SLC16A4: variants seen among roughly 807,000 people sequenced by gnomAD.
The protein encoded by SLC16A4 is probable monocarboxylate transporter 5.
A neutral mutation model predicts 47.9 loss-of-function variants in SLC16A4; 39 were observed. The observed-to-expected ratio is 0.81, with a 90% confidence interval of 0.63 to 1.06. SLC16A4 has a LOEUF of 1.06. Among genes scored for constraint, SLC16A4 ranks in the 50% least tolerant of loss-of-function variants. The pLI is 0.00. For missense variants in SLC16A4, 524 were observed against 573.8 expected, an observed-to-expected ratio of 0.91 and a Z score of 0.89; for synonymous variants, 189 against 199.9, an observed-to-expected ratio of 0.95 and a Z score of 0.46.
At chr1:110,365,346 A>G (rs1661324776) in intron 8 of SLC16A4, among the ~76,000 whole-genome samples, 1 of 151,588 alleles carries the variant, frequency 6.6e-6, no homozygotes, top group Non-Finnish European at 1.5e-5. Context: ...TTGTTCTGTT[A>G]TGGACACAGA....
rs184637105 is a variant in SLC16A4 at position 110,366,189 on chromosome 1, C to T, written c.1337-2296G>A. ...TTTTTTGTTTTTTGAGACAGAGCCT[C>T]GCTCTGTTGCCCAGGCTGGAGTGAG... On this transcript the variant is annotated intron_variant, in intron 8 of 8. Coordinates refer to ENST00000369779, the MANE Select transcript of SLC16A4 (RefSeq NM_004696.3). Among the ~76,000 whole-genome samples the T allele has an allele frequency of 4.1e-3, 619 of 152,034 alleles. 3 individuals carry two copies. The highest frequency in any genetic ancestry group is 6.8e-3 in the Non-Finnish European group (459 of 67,990).
At chr1:110,366,922 T>G (rs1340992624) in intron 8 of SLC16A4, among the ~76,000 whole-genome samples, 1 of 152,234 alleles carries the variant, frequency 6.6e-6, no homozygotes, top group East Asian at 1.9e-4. Flanking sequence ...TTGAGATATT[T>G]GTATTTTTTA....
At chr1:110,388,813 C>T (rs1281509492) in intron 2 of SLC16A4, among the ~76,000 whole-genome samples, 1 of 152,210 alleles carries the variant, frequency 6.6e-6, no homozygotes, top group Non-Finnish European at 1.5e-5. Context: ...TGATTTCAAG[C>T]AATTCTCCTG....
At chr1:110,376,812 T>C (rs1662030135) in intron 7 of SLC16A4, 138 bp downstream of exon 7, 1 of 695,632 alleles carries the variant, frequency 1.4e-6, no homozygotes, top group South Asian at 1.9e-5. Context: ...GGACAGGATA[T>C]AGCTGCAGAG....
intron 8 of SLC16A4, chr1:110,371,614 C>G (rs1227220892): frequency 2.0e-5 from 3 of 152,136 alleles, no homozygotes; most frequent in Non-Finnish European, 4.4e-5. Flanking sequence ...CACAGCCTTC[C>G]AAGGCTTCCA....
chr1:110,374,854 T>G (rs1445183846), intron 8 of SLC16A4, among the ~76,000 whole-genome samples: 1 of 152,252 alleles, frequency 6.6e-6, no homozygotes, highest in Non-Finnish European at 1.5e-5. Flanking sequence ...AGAGAGATAC[T>G]TAACAGATAA....
At chr1:110,384,776 C>T (rs1352736429) in intron 2 of SLC16A4, among the ~76,000 whole-genome samples, 8 of 152,102 alleles carry the variant, frequency 5.3e-5, no homozygotes, top group East Asian at 1.9e-4. Flanking sequence ...TTTGGGAGGC[C>T]GAGGTGGGTG....
intron 8 of SLC16A4, among the ~76,000 whole-genome samples, chr1:110,367,704 A>T (rs1291580374): frequency 1.3e-5 from 2 of 152,098 alleles, no homozygotes; most frequent in Non-Finnish European, 2.9e-5. Context: ...TCAAAAATTT[A>T]AAATATATAT....
intron 4 of SLC16A4, 44 bp from the exon 5 acceptor site, chr1:110,381,187 T>C: frequency 1.3e-6 from 2 of 1,572,526 alleles, no homozygotes; most frequent in Non-Finnish European, 1.7e-6. Context: ...TTACATTAAG[T>C]GGCTTGGTAA....
intron 2 of SLC16A4, among the ~76,000 whole-genome samples, chr1:110,384,812 A>G (rs1662644217): frequency 6.6e-6 from 1 of 152,174 alleles, no homozygotes; most frequent in South Asian, 2.1e-4. Flanking sequence ...GGAGTTCAAG[A>G]CCAGCCTGGG....
chr1:110,388,194 G>A (rs1191252318), intron 2 of SLC16A4, among the ~76,000 whole-genome samples: 2 of 152,142 alleles, frequency 1.3e-5, no homozygotes, highest in Non-Finnish European at 2.9e-5. Flanking sequence ...CTGGAGAGCT[G>A]TGTGGGGCAT....
At chr1:110,370,850 A>G (rs533206500) in intron 8 of SLC16A4, 23 of 152,342 alleles carry the variant, frequency 1.5e-4, no homozygotes, top group African/African-American at 4.3e-4. Flanking sequence ...ACAACTCAGA[A>G]TGTCTTCAAT....
chr1:110,366,739 A>T (rs1351708141), intron 8 of SLC16A4, among the ~76,000 whole-genome samples: 1 of 152,194 alleles, frequency 6.6e-6, no homozygotes, highest in Non-Finnish European at 1.5e-5. Context: ...ATTTCTCAGA[A>T]TGTATCCCTG....
In SLC16A4 at chr1:110,382,853, T is replaced by C; in HGVS notation, c.201A>G (p.Ser67=). ...TTATACCTGCACAAAAACGAAGAGATGACATGATGGATCCAATCCAACCAA... is the reference window on the plus strand; with the variant it reads ...TTATACCTGCACAAAAACGAAGAGACGACATGATGGATCCAATCCAACCAA... ...EQIGWIGSIM[S]SLRFCAGPLV... Residue 67 remains serine (S), a synonymous_variant, in exon 3 of 9, where the codon TCA becomes TCG. Transcript: ENST00000369779. 6.2e-7 allele frequency: 1 copy of C among 1,607,394 alleles called. No homozygotes were observed. The highest frequency in any genetic ancestry group is 8.5e-7 in the Non-Finnish European group (1 of 1,175,662).
At chr1:110,372,275 A>T (rs956934158) in intron 8 of SLC16A4, 2 of 152,162 alleles carry the variant, frequency 1.3e-5, no homozygotes, top group Non-Finnish European at 2.9e-5. Flanking sequence ...CTTTTGTTAG[A>T]TTCCTAATTA....
Position 110,363,877 on chromosome 1 carries a change from A to G in SLC16A4, c.1353T>C (p.Tyr451=), listed in dbSNP as rs750271892. Residue 451 remains tyrosine, a synonymous_variant, in exon 9 of 9, where the codon TAT becomes TAC. Coordinates refer to ENST00000369779, the MANE Select transcript of SLC16A4 (RefSeq NM_004696.3). Reference sequence around the variant, plus strand: ...AGAAAGAGCCATTGTATGTCTGGGTATAATCATATAACCAGCCTGGAAGGA... The same window carrying G: ...AGAAAGAGCCATTGTATGTCTGGGTGTAATCATATAACCAGCCTGGAAGGA... The part of the protein sequence containing the change: ...GPPIAGWLYD[Y]TQTYNGSFYF... 6.2e-6 allele frequency: 10 copies of G among 1,611,024 alleles called. No homozygotes were observed. Among genetic ancestry groups the G allele is most frequent in the Non-Finnish European group, 8.5e-6 (10 of 1,178,974 alleles).
intron 8 of SLC16A4, among the ~76,000 whole-genome samples, chr1:110,364,596 C>T (rs1661275064): frequency 6.6e-6 from 1 of 151,096 alleles, no homozygotes; most frequent in Admixed American, 6.6e-5. Context: ...CTGCAACCTC[C>T]ACCTCCTGGG....
chr1:110,384,245 C>T (rs540168322), intron 2 of SLC16A4, among the ~76,000 whole-genome samples: 1 of 152,304 alleles, frequency 6.6e-6, no homozygotes, highest in Non-Finnish European at 1.5e-5. Flanking sequence ...TGATTTAACT[C>T]TGCTGCTGAG....
At chr1:110,374,045 CTT>C (rs1426859729) in intron 8 of SLC16A4, among the ~76,000 whole-genome samples, 1 of 123,472 alleles carries the variant, frequency 8.1e-6, no homozygotes. Flanking sequence ...TTTTCTGAGT[CTT>C]TTTTTGAGAT....
Sources: allele counts gnomAD v4.1 joint callset (sites outside exome capture counted in the v4.1 genomes callset), GRCh38; gene constraint gnomAD v4.1.1; transcripts MANE v1.5; gene names NCBI Gene and HGNC (gene_info 2026-07-23, HGNC 2026-07-21).